The following ADAMTSL1 variants were observed in gnomAD, a reference collection of about 807,000 sequenced individuals.
The protein encoded by ADAMTSL1 is ADAMTS-like protein 1.
Under a neutral mutation model 201.8 loss-of-function variants are expected in ADAMTSL1, and 126 were observed. That is an observed-to-expected ratio of 0.62 (90% confidence interval 0.54 to 0.72). ADAMTSL1 has a LOEUF of 0.72. Among genes scored for constraint, ADAMTSL1 ranks in the 30% least tolerant of loss-of-function variants. The pLI is 0.00. For synonymous variants in ADAMTSL1, 1,121 were observed against 903.4 expected (o/e 1.24, Z -4.32); for missense variants, 2,679 against 2,277.8 (o/e 1.18, Z -3.59).
intron 23 of ADAMTSL1, among the ~76,000 whole-genome samples, chr9:18,857,244 T>G (rs1826916699): frequency 6.6e-6 from 1 of 152,222 alleles, no homozygotes; most frequent in African/African-American, 2.4e-5. Flanking sequence ...ACATAATACC[T>G]CATTGCCCAG....
At chr9:18,019,866 G>C (rs1820409302) in intron 1 of ADAMTSL1, among the ~76,000 whole-genome samples, 2 of 152,082 alleles carry the variant, frequency 1.3e-5, no homozygotes, top group African/African-American at 2.4e-5. Context: ...GGGCATAGCT[G>C]AGAGTAGTGG....
chr9:18,816,769 AAATTT>A (rs904718640), intron 20 of ADAMTSL1, among the ~76,000 whole-genome samples: 3 of 23,492 alleles, frequency 1.3e-4, no homozygotes, highest in East Asian at 8.9e-4. Flanking sequence ...AACATTTTTT[AAATTT>A]AATTTAATTT....
At chr9:17,923,067 G>T (rs2131297492) in intron 1 of ADAMTSL1, among the ~76,000 whole-genome samples, 1 of 152,328 alleles carries the variant, frequency 6.6e-6, no homozygotes, top group East Asian at 1.9e-4. Flanking sequence ...TTTGAAGTCA[G>T]GTTGTGTGAT....
At chr9:18,193,650 A>C (rs774545008) in intron 2 of ADAMTSL1, among the ~76,000 whole-genome samples, 12 of 152,164 alleles carry the variant, frequency 7.9e-5, no homozygotes, top group Admixed American at 3.9e-4. Flanking sequence ...GAAAAATAGA[A>C]CTACAATTTG....
At chr9:18,510,251 C>T (rs902214967) in intron 2 of ADAMTSL1, among the ~76,000 whole-genome samples, 3 of 152,146 alleles carry the variant, frequency 2.0e-5, no homozygotes, top group Admixed American at 6.5e-5. Flanking sequence ...ATGACAACTA[C>T]TCAACTTCTG....
At chr9:18,123,244 C>T (rs1298760185) in intron 1 of ADAMTSL1, among the ~76,000 whole-genome samples, 1 of 152,176 alleles carries the variant, frequency 6.6e-6, no homozygotes, top group African/African-American at 2.4e-5. Context: ...TAACAAGACA[C>T]ATTTTATGCA....
At chr9:18,495,499 T>A (rs924471475) in intron 1 of ADAMTSL1, among the ~76,000 whole-genome samples, 5 of 152,160 alleles carry the variant, frequency 3.3e-5, no homozygotes, top group African/African-American at 9.7e-5. Context: ...AGAGACTAGG[T>A]TGGTTTGCTT....
At position 18,031,434 on chromosome 9, in the gene ADAMTSL1, T is replaced by C. The variant is rs1820951374; in HGVS notation, c.87+124512T>C. Among the ~76,000 whole-genome samples the C allele has an allele frequency of 3.9e-5, 6 of 152,174 alleles. No homozygotes were observed. In the South Asian group the frequency reaches 1.2e-3, roughly 32 times the overall value. ...CTGAGGCTGTGTTTGGGTTTCTTTG[T>C]TGTAGATTGCTTCCTGCATTGGGTT... On this transcript the variant is annotated intron_variant, in intron 1 of 29. Transcript: ENST00000680146.
intron 13 of ADAMTSL1, 92 bp from the exon 14 acceptor site, chr9:18,706,655 C>G: frequency 7.5e-7 from 1 of 1,335,496 alleles, no homozygotes; most frequent in Non-Finnish European, 1.0e-6. Context: ...GCTCTGGGCA[C>G]TGGAGGCAGG....
At chr9:18,162,820 T>A (rs1827454487) in intron 1 of ADAMTSL1, among the ~76,000 whole-genome samples, 1 of 152,028 alleles carries the variant, frequency 6.6e-6, no homozygotes, top group Admixed American at 6.6e-5. Context: ...ATTATAAATA[T>A]GATTAAAGAA....
At chr9:18,336,850 C>T (rs1331497576) in intron 2 of ADAMTSL1, among the ~76,000 whole-genome samples, 3 of 151,992 alleles carry the variant, frequency 2.0e-5, no homozygotes, top group African/African-American at 7.3e-5. Context: ...CTCATTGGGA[C>T]CATGTGGGAG....
intron 2 of ADAMTSL1, among the ~76,000 whole-genome samples, chr9:18,339,563 T>C (rs1456333856): frequency 1.3e-5 from 2 of 152,156 alleles, no homozygotes; most frequent in Non-Finnish European, 2.9e-5. Flanking sequence ...TCAAAGAATT[T>C]AAAACAAAAT....
chr9:18,854,834 G>A (rs550997826), intron 23 of ADAMTSL1, among the ~76,000 whole-genome samples: 2 of 152,200 alleles, frequency 1.3e-5, no homozygotes, highest in East Asian at 3.9e-4. Context: ...TCAATCCATA[G>A]GAATCATTAA....
intron 2 of ADAMTSL1, among the ~76,000 whole-genome samples, chr9:18,447,620 G>C (rs780217578): frequency 1.3e-5 from 2 of 152,166 alleles, no homozygotes; most frequent in Non-Finnish European, 2.9e-5. Flanking sequence ...AAAATGTCTC[G>C]CAATTATAAG....
At chr9:17,983,034 T>G (rs1818775944) in intron 1 of ADAMTSL1, among the ~76,000 whole-genome samples, 1 of 150,538 alleles carries the variant, frequency 6.6e-6, no homozygotes, top group Admixed American at 6.6e-5. Flanking sequence ...TTTCAACTAT[T>G]TTTTTTTTCA....
At chr9:18,648,718 C>T (rs1316916942) in intron 7 of ADAMTSL1, among the ~76,000 whole-genome samples, 2 of 151,908 alleles carry the variant, frequency 1.3e-5, no homozygotes, top group Non-Finnish European at 2.9e-5. Context: ...TATTGGTCCC[C>T]ACTGTCTTCT....
In ADAMTSL1 at chr9:17,909,733, A is replaced by G. The variant is rs1447978947; in HGVS notation, c.87+2811A>G. ...CATTCTCAGTAAACTATCACAAAACAAAAAACCAAACACTGCATATTCTCA... is the reference window on the plus strand; with the variant it reads ...CATTCTCAGTAAACTATCACAAAACGAAAAACCAAACACTGCATATTCTCA... On this transcript the variant is annotated intron_variant, in intron 1 of 29. Transcript: ENST00000680146. Among the ~76,000 whole-genome samples the G allele has an allele frequency of 3.0e-5, 2 of 66,620 alleles. 1 individual carries two copies. Among genetic ancestry groups the G allele is most frequent in the African/African-American group, 6.1e-5 (2 of 32,650 alleles). 43.7% of individuals were successfully genotyped at this position (66,620 alleles called of 152,430 possible).
chr9:18,214,484 C>G (rs927252065), intron 2 of ADAMTSL1, among the ~76,000 whole-genome samples: 1 of 152,110 alleles, frequency 6.6e-6, no homozygotes, highest in Non-Finnish European at 1.5e-5. Context: ...GACCTTAAAG[C>G]TACTTTTTGA....
At chr9:18,174,600 A>G (rs1345341944) in intron 2 of ADAMTSL1, among the ~76,000 whole-genome samples, 1 of 152,168 alleles carries the variant, frequency 6.6e-6, no homozygotes, top group Non-Finnish European at 1.5e-5. Context: ...TCTAATATGG[A>G]TACACATGAC....
Sources: gnomAD v4.1 joint callset for allele counts (sites outside exome capture counted in the v4.1 genomes callset) on GRCh38, gnomAD v4.1.1 for gene constraint, MANE v1.5 for transcripts, NCBI Gene and HGNC (gene_info 2026-07-23, HGNC 2026-07-21) for gene names.